Variants in TBC1D15 observed in about 807,000 individuals in gnomAD.
The protein encoded by TBC1D15 is GAP for RAB7.
A neutral mutation model predicts 95.4 loss-of-function variants in TBC1D15; 39 were observed. That is an observed-to-expected ratio of 0.41 (90% CI 0.32 to 0.53). TBC1D15 has a LOEUF of 0.53. Among genes scored for constraint, TBC1D15 ranks in the 20% least tolerant of loss-of-function variants. TBC1D15 has a pLI of 0.29. For synonymous variants in TBC1D15, 258 were observed against 261.3 expected, an observed-to-expected ratio of 0.99 and a Z score of 0.12; for missense variants, 733 against 794.3, an observed-to-expected ratio of 0.92 and a Z score of 0.93.
chr12:71,918,500 C>G lies in TBC1D15; in HGVS notation c.1551C>G (p.Ile517Met), dbSNP rs1359277650. Residue 517 changes from isoleucine to methionine, a missense_variant, in exon 14 of 17, where the codon ATC becomes ATG. Coordinates refer to ENST00000485960, the MANE Select transcript of TBC1D15 (RefSeq NM_001146213.3). ...YLYFCFRWLLIRFKREFSFLD... is the reference protein window; with the variant it reads ...YLYFCFRWLLMRFKREFSFLD... ...ATTTTTGCTTCAGGTGGCTTTTAAT[C>G]AGATTCAAAAGGGAATTTAGTTTTC... 1.2e-5 allele frequency: 19 copies of G among 1,609,370 alleles called. No homozygotes were observed. The highest frequency in any genetic ancestry group is 1.5e-5 in the Non-Finnish European group (18 of 1,178,386).
chr12:71,864,763 C>T (rs1267855702), intron 1 of TBC1D15, among the ~76,000 whole-genome samples: 1 of 152,136 alleles, frequency 6.6e-6, no homozygotes, highest in African/African-American at 2.4e-5. Context: ...CCTTGGCCTC[C>T]CAAACTGCTG....
intron 10 of TBC1D15, among the ~76,000 whole-genome samples, chr12:71,901,009 G>A (rs1364842397): frequency 6.6e-6 from 1 of 152,076 alleles, no homozygotes; most frequent in African/African-American, 2.4e-5. Context: ...AAAGGGAAGA[G>A]AATATGGCAT....
At chr12:71,909,043 T>G (rs1901519863) in intron 11 of TBC1D15, among the ~76,000 whole-genome samples, 1 of 152,214 alleles carries the variant, frequency 6.6e-6, no homozygotes, top group African/African-American at 2.4e-5. Context: ...GAGATAGAAA[T>G]TCATATGTAT....
At chr12:71,858,102 C>T (rs1889518377) in intron 1 of TBC1D15, among the ~76,000 whole-genome samples, 3 of 151,346 alleles carry the variant, frequency 2.0e-5, no homozygotes, top group East Asian at 1.9e-4. Flanking sequence ...GACGGAGTTT[C>T]GCTCTTCTTG....
chr12:71,897,599 A>T (rs898314379), intron 9 of TBC1D15, among the ~76,000 whole-genome samples: 3 of 152,086 alleles, frequency 2.0e-5, no homozygotes, highest in Admixed American at 1.3e-4. Context: ...TTGTAAAAGA[A>T]TACCTAAAAT....
intron 1 of TBC1D15, among the ~76,000 whole-genome samples, chr12:71,840,363 A>T (rs1006284009): frequency 6.6e-6 from 1 of 152,016 alleles, no homozygotes; most frequent in Non-Finnish European, 1.5e-5. Context: ...GAGCAGCAGG[A>T]CGTGTTTCCT....
At chr12:71,910,471 A>T (rs1461574288) in intron 11 of TBC1D15, among the ~76,000 whole-genome samples, 2 of 151,606 alleles carry the variant, frequency 1.3e-5, no homozygotes, top group Non-Finnish European at 2.9e-5. Context: ...CATTTTCACG[A>T]TATTGATTCT....
chr12:71,845,682 G>T (rs929060600), intron 1 of TBC1D15, among the ~76,000 whole-genome samples: 29 of 152,180 alleles, frequency 1.9e-4, no homozygotes, highest in African/African-American at 6.8e-4. Context: ...AGTTTTGAAA[G>T]AAACTGAACT....
chr12:71,850,433 G>A (rs527335778), intron 1 of TBC1D15: 15 of 238,010 alleles, frequency 6.3e-5, no homozygotes, highest in African/African-American at 2.3e-4. Context: ...ACAGGCAGTC[G>A]CAGAGTTTTT....
At chr12:71,902,342 A>G (rs1237681609) in intron 10 of TBC1D15, among the ~76,000 whole-genome samples, 2 of 152,238 alleles carry the variant, frequency 1.3e-5, no homozygotes, top group African/African-American at 2.4e-5. Context: ...GCAAGGGTAT[A>G]GTAACTAAAA....
intron 10 of TBC1D15, among the ~76,000 whole-genome samples, chr12:71,898,372 A>G (rs1486311638): frequency 1.3e-5 from 2 of 152,098 alleles, no homozygotes; most frequent in African/African-American, 2.4e-5. Flanking sequence ...ATTGGTTTAT[A>G]TCCCTTCAGA....
At chr12:71,896,160 T>C in intron 8 of TBC1D15, 85 bp downstream of exon 8, 1 of 1,341,232 alleles carries the variant, frequency 7.5e-7, no homozygotes, top group Non-Finnish European at 9.9e-7. Context: ...TTTGGTGTGT[T>C]TTTTTTTGTT....
At position 71,880,595 on chromosome 12, in the gene TBC1D15, C is replaced by A; in HGVS notation, c.331C>A (p.His111Asn). The A allele has an allele frequency of 6.2e-7, 1 of 1,608,674 alleles. No individual in the cohort carries two copies. The highest frequency in any genetic ancestry group is 1.7e-5 in the Admixed American group (1 of 58,888). Residue 111 changes from histidine to asparagine, a missense_variant, in exon 4 of 17, where the codon CAT (histidine) becomes AAT (asparagine). Transcript: ENST00000485960. ...TACAGTTTCATTTAAAAGGAAACCA[C>A]ATACCAATGGAGGTATGAATTAAAT... Reference protein sequence around the residue: ...VNTVSFKRKPHTNGDAPSHRN... With the variant: ...VNTVSFKRKPNTNGDAPSHRN...
At chr12:71,867,080 G>C (rs1891658251) in intron 1 of TBC1D15, among the ~76,000 whole-genome samples, 1 of 152,192 alleles carries the variant, frequency 6.6e-6, no homozygotes. Context: ...TATGAAAAGG[G>C]TTAAGCTTCT....
At chr12:71,898,235 A>G (rs1407677833) in intron 10 of TBC1D15, among the ~76,000 whole-genome samples, 1 of 152,086 alleles carries the variant, frequency 6.6e-6, no homozygotes, top group African/African-American at 2.4e-5. Flanking sequence ...CATTTTTAAA[A>G]AACTTTATTT....
chr12:71,880,025 A>G (rs1268083169), intron 3 of TBC1D15, among the ~76,000 whole-genome samples: 1 of 152,208 alleles, frequency 6.6e-6, no homozygotes. Context: ...GATTGCCTGT[A>G]AGAAATTATA....
rs371431172 is a variant in TBC1D15, at chr12:71,892,820, T to C, written c.555-402T>C. On this transcript the variant is annotated intron_variant, in intron 5 of 16. Transcript: ENST00000485960. Reference sequence around the variant, plus strand: ...ACATATTTTCTGTATGTAAATATTATATACTGATGACTCCTAATGTCTGTT... The same window carrying C: ...ACATATTTTCTGTATGTAAATATTACATACTGATGACTCCTAATGTCTGTT... 2.0e-5 allele frequency among the ~76,000 whole-genome samples: 3 copies of C among 151,702 alleles called. No individual in the cohort carries two copies. The South Asian group carries it at 6.2e-4, about 32-fold the overall frequency.
intron 11 of TBC1D15, among the ~76,000 whole-genome samples, chr12:71,912,524 G>A (rs765733993): frequency 2.0e-5 from 3 of 152,044 alleles, no homozygotes; most frequent in Non-Finnish European, 2.9e-5. Flanking sequence ...TGATCTGAGT[G>A]CTTCTGTCTG....
chr12:71,919,604 C>T (rs1868461989), intron 14 of TBC1D15, among the ~76,000 whole-genome samples: 1 of 152,098 alleles, frequency 6.6e-6, no homozygotes, highest in South Asian at 2.1e-4. Flanking sequence ...TTCCTCTGTT[C>T]TCAGATTAGA....
Sources: allele counts gnomAD v4.1 joint callset (sites outside exome capture counted in the v4.1 genomes callset), GRCh38; gene constraint gnomAD v4.1.1; transcripts MANE v1.5; gene names NCBI Gene and HGNC (gene_info 2026-07-23, HGNC 2026-07-21).